The following PTER variants were observed in gnomAD, a reference collection of about 807,000 sequenced individuals.
The protein encoded by PTER is N-acetyltaurine hydrolase.
In PTER, 38 loss-of-function variants were observed where a neutral mutation model predicts 29.6. The observed-to-expected ratio is 1.28, with a 90% CI of 0.99 to 1.68. The LOEUF (loss-of-function observed/expected upper bound fraction) is 1.68. Among genes scored for constraint, PTER ranks in the 40% most tolerant of loss-of-function variants. The pLI, the probability that PTER is intolerant of heterozygous loss-of-function variation, is 0.00. For synonymous variants in PTER, 172 were observed against 154.5 expected (o/e 1.11, Z -0.84); for missense variants, 482 against 427.8 (o/e 1.13, Z -1.12).
intron 4 of PTER, among the ~76,000 whole-genome samples, chr10:16,505,853 C>T (rs1836540225): frequency 6.6e-6 from 1 of 152,068 alleles, no homozygotes; most frequent in Non-Finnish European, 1.5e-5. Flanking sequence ...TTGGGAATAT[C>T]TAAGTGTTGC....
At chr10:16,517,643 A>C (rs1324716507), downstream of PTER, among the ~76,000 whole-genome samples, 1 of 152,172 alleles carries the variant, frequency 6.6e-6, no homozygotes, top group Non-Finnish European at 1.5e-5. Context: ...TGGTAGGATT[A>C]AATTTAGGTT....
At chr10:16,449,460 C>T (rs1419314085) in intron 1 of PTER, among the ~76,000 whole-genome samples, 5 of 111,784 alleles carry the variant, frequency 4.5e-5, no homozygotes, top group Non-Finnish European at 5.0e-5. Context: ...GAGACGGAGT[C>T]TCACTCACTC....
chr10:16,467,918 G>T (rs10904744), intron 1 of PTER, among the ~76,000 whole-genome samples: 2 of 152,032 alleles, frequency 1.3e-5, no homozygotes, highest in African/African-American at 4.8e-5. Context: ...CAAACACTTT[G>T]GGAAAAACAT....
intron 1 of PTER, among the ~76,000 whole-genome samples, chr10:16,473,086 T>C (rs931985701): frequency 6.6e-6 from 1 of 152,132 alleles, no homozygotes; most frequent in Admixed American, 6.5e-5. Flanking sequence ...TTTATTCACT[T>C]TGGAATAAAC....
At chr10:16,466,805 TC>T (rs2133405569) in intron 1 of PTER, among the ~76,000 whole-genome samples, 1 of 152,360 alleles carries the variant, frequency 6.6e-6, no homozygotes, top group Non-Finnish European at 1.5e-5. Context: ...TGCAACTGAA[TC>T]ATACAGCCTT....
intron 1 of PTER, among the ~76,000 whole-genome samples, chr10:16,455,016 C>T (rs1209462930): frequency 6.6e-6 from 1 of 152,004 alleles, no homozygotes; most frequent in Non-Finnish European, 1.5e-5. Flanking sequence ...ATCACTTAAG[C>T]CCAGGAGTTG....
At chr10:16,444,228 C>T (rs1011217984) in intron 1 of PTER, among the ~76,000 whole-genome samples, 3 of 152,174 alleles carry the variant, frequency 2.0e-5, no homozygotes, top group Non-Finnish European at 2.9e-5. Context: ...TCTCTTGACT[C>T]GTGATCTACC....
downstream of PTER, among the ~76,000 whole-genome samples, chr10:16,518,248 A>C (rs1836983586): frequency 6.6e-6 from 1 of 152,248 alleles, no homozygotes; most frequent in Non-Finnish European, 1.5e-5. Context: ...AAATAGTTCT[A>C]ATCTAGAGAT....
At position 16,489,762 on chromosome 10, in the gene PTER, A is replaced by G. The variant is rs182619990; in HGVS notation, c.698+3145A>G. Among the ~76,000 whole-genome samples, 456 of 152,200 alleles carry G rather than the reference A, an allele frequency of 3.0e-3. 10 individuals are homozygous for G. In the South Asian group the frequency reaches 0.056, roughly 19 times the overall value. ...AAACGCCATTCTACTTTCTGTCTCT[A>G]TGAATTTGACTACTCTAGGTACCTC... On this transcript the variant is annotated intron_variant, in intron 3 of 4. Coordinates refer to ENST00000535784, the MANE Select transcript of PTER (RefSeq NM_001261836.2).
At chr10:16,482,913 C>G (rs1172026209) in intron 1 of PTER, among the ~76,000 whole-genome samples, 3 of 152,074 alleles carry the variant, frequency 2.0e-5, no homozygotes, top group Non-Finnish European at 4.4e-5. Context: ...TCCCAAGTAG[C>G]TAGGATTACA....
At chr10:16,455,021 G>T (rs1048879398) in intron 1 of PTER, among the ~76,000 whole-genome samples, 7 of 152,148 alleles carry the variant, frequency 4.6e-5, no homozygotes, top group African/African-American at 1.2e-4. Context: ...TTAAGCCCAG[G>T]AGTTGAAGAC....
chr10:16,477,265 T>TAGATAGATAGAG lies in PTER; in HGVS notation c.-48-7061_-48-7060insGAGATAGATAGA, dbSNP rs1282428728. The stretch of plus-strand genomic sequence containing the variant: ...GAAATTCATTCTGTCTTTCGATAGA[T>TAGATAGATAGAG]AGATAGATAGATAGATAGATAGATA... On this transcript the variant is annotated intron_variant, in intron 1 of 4. Transcript: ENST00000535784. Among the ~76,000 whole-genome samples the TAGATAGATAGAG allele has an allele frequency of 3.9e-3, 294 of 74,432 alleles. 1 individual carries two copies. Among genetic ancestry groups the TAGATAGATAGAG allele is most frequent in the African/African-American group, 0.012 (287 of 24,096 alleles). 48.8% of individuals were successfully genotyped at this position (74,432 alleles called of 152,430 possible). A position where few individuals can be genotyped will look rare whatever the true frequency, so the allele number is the denominator to read the frequency against.
intron 3 of PTER, among the ~76,000 whole-genome samples, chr10:16,492,537 A>G (rs1835936314): frequency 6.6e-6 from 1 of 152,230 alleles, no homozygotes; most frequent in African/African-American, 2.4e-5. Context: ...ATGGACTATT[A>G]GAGTAGCTGT....
intron 1 of PTER, among the ~76,000 whole-genome samples, chr10:16,482,619 T>C (rs1171262465): frequency 6.6e-6 from 1 of 152,152 alleles, no homozygotes; most frequent in African/African-American, 2.4e-5. Flanking sequence ...AGAACACTAT[T>C]TGAAGGAACA....
chr10:16,495,506 A>C (rs556015981), intron 3 of PTER, among the ~76,000 whole-genome samples: 1 of 152,320 alleles, frequency 6.6e-6, no homozygotes, highest in South Asian at 2.1e-4. Flanking sequence ...TTTAATGATC[A>C]GTCACTGAAA....
At chr10:16,464,806 A>T (rs1018638221) in intron 1 of PTER, among the ~76,000 whole-genome samples, 7 of 152,158 alleles carry the variant, frequency 4.6e-5, no homozygotes, top group African/African-American at 1.7e-4. Context: ...ATCCATTTTC[A>T]TGCTCCAGAT....
intron 1 of PTER, among the ~76,000 whole-genome samples, chr10:16,476,654 C>T (rs1835276841): frequency 1.3e-5 from 2 of 151,970 alleles, no homozygotes; most frequent in Non-Finnish European, 2.9e-5. Context: ...CAGCCTCAGC[C>T]TCAACCTCGC....
At chr10:16,483,720 C>T (rs1398649201) in intron 1 of PTER, among the ~76,000 whole-genome samples, 4 of 152,074 alleles carry the variant, frequency 2.6e-5, no homozygotes, top group Non-Finnish European at 4.4e-5. Flanking sequence ...GTGACACATG[C>T]GTGTAGTCCC....
At chr10:16,478,109 T>G (rs1259421769) in intron 1 of PTER, among the ~76,000 whole-genome samples, 2 of 152,210 alleles carry the variant, frequency 1.3e-5, no homozygotes, top group African/African-American at 4.8e-5. Context: ...ACATCAAACA[T>G]TCTCAAGGCA....
Sources: allele counts gnomAD v4.1 joint callset (sites outside exome capture counted in the v4.1 genomes callset), GRCh38; gene constraint gnomAD v4.1.1; transcripts MANE v1.5; gene names NCBI Gene and HGNC (gene_info 2026-07-23, HGNC 2026-07-21).